Variants in SECISBP2L observed in about 807,000 individuals in gnomAD.
The protein encoded by SECISBP2L is selenocysteine insertion sequence-binding protein 2-like.
In SECISBP2L, 43 loss-of-function variants were observed where a neutral mutation model predicts 114.7. The ratio of observed to expected loss-of-function variants is 0.38; its 90% confidence interval spans 0.29 to 0.48. The LOEUF (loss-of-function observed/expected upper bound fraction) is 0.48, where lower values mean the gene tolerates loss of function less well. SECISBP2L is among the 20% of genes least tolerant of loss of function. The pLI is 0.98. For synonymous variants in SECISBP2L, 451 were observed against 439.7 expected (o/e 1.03, Z -0.32); for missense variants, 1,136 against 1,301.1 (o/e 0.87, Z 1.95).
chr15:49,040,531 T>C (rs1253617613), intron 1 of SECISBP2L, among the ~76,000 whole-genome samples: 1 of 119,672 alleles, frequency 8.4e-6, no homozygotes, highest in African/African-American at 3.0e-5. Context: ...ACTATTCTTT[T>C]TTTTTTTTTT....
intron 14 of SECISBP2L, among the ~76,000 whole-genome samples, chr15:49,007,526 T>A (rs1174232697): frequency 6.6e-6 from 1 of 152,236 alleles, no homozygotes; most frequent in Non-Finnish European, 1.5e-5. Context: ...GCAGTCTGGC[T>A]ACAGCAGCTT....
At chr15:49,011,647 G>A (rs2141068973) in intron 13 of SECISBP2L, 84 bp downstream of exon 13, 1 of 1,453,308 alleles carries the variant, frequency 6.9e-7, no homozygotes. Flanking sequence ...TTCCAATCAG[G>A]AGCATTAACT....
Position 49,046,399 on chromosome 15 carries a change from C to T in SECISBP2L, c.-100G>A. The stretch of plus-strand genomic sequence containing the variant: ...GCTCGGGTCCAGACTGGGTTCCGGA[C>T]CTCCGCCCCTATCTGGCTGGCCGCG... On this transcript the variant is annotated 5_prime_UTR_variant, in exon 1 of 18. Coordinates refer to ENST00000559471, the MANE Select transcript of SECISBP2L (RefSeq NM_001193489.2). The T allele has an allele frequency of 1.6e-6, 2 of 1,270,250 alleles. No homozygotes were observed. Among genetic ancestry groups the T allele is most frequent in the Non-Finnish European group, 2.1e-6 (2 of 969,408 alleles). 78.7% of individuals were successfully genotyped at this position (1,270,250 alleles called of 1,614,324 possible).
At position 48,992,569 on chromosome 15, in the gene SECISBP2L, T is replaced by G; in HGVS notation, c.2981A>C (p.Glu994Ala). The part of the protein sequence containing the change: ...VPGMLEEEED[E>A]DEEEEEDYTH... Reference sequence around the variant, plus strand: ...ATAATCTTCCTCCTCCTCCTCATCTTCATCTTCTTCTTCTTCAAGCATGCC... The same window carrying G: ...ATAATCTTCCTCCTCCTCCTCATCTGCATCTTCTTCTTCTTCAAGCATGCC... Residue 994 changes from glutamate (E) to alanine (A), a missense_variant, in exon 18 of 18, where the codon GAA becomes GCA. Coordinates refer to ENST00000559471, the MANE Select transcript of SECISBP2L (RefSeq NM_001193489.2). 5.6e-6 allele frequency: 9 copies of G among 1,614,072 alleles called. No homozygotes were observed. The highest frequency in any genetic ancestry group is 7.6e-6 in the Non-Finnish European group (9 of 1,180,028).
chr15:49,018,167 G>C (rs1902573556), intron 8 of SECISBP2L, among the ~76,000 whole-genome samples: 3 of 151,820 alleles, frequency 2.0e-5, no homozygotes, highest in African/African-American at 7.3e-5. Context: ...TGCCAGACCT[G>C]GATATATTGA....
chr15:49,028,667 A>AAAATAAGCT lies in SECISBP2L; in HGVS notation c.679_680insAGCTTATTT (p.Ile227delinsLysLeuIlePhe). On this transcript the variant is annotated protein_altering_variant, in exon 5 of 18. Transcript: ENST00000559471. Reference sequence around the variant, plus strand: ...GGTCTCTGAGAGAGACTTGTTAGCGATATCTGATGGGAAATCTACAAAGGC... The same window carrying AAAATAAGCT: ...GGTCTCTGAGAGAGACTTGTTAGCGAAAATAAGCTTATCTGATGGGAAATCTACAAAGGC... 6.2e-7 allele frequency: 1 copy of AAAATAAGCT among 1,613,878 alleles called. No individual in the cohort carries two copies.
chr15:49,006,193 T>C (rs1281564782), intron 14 of SECISBP2L, among the ~76,000 whole-genome samples: 1 of 152,192 alleles, frequency 6.6e-6, no homozygotes, highest in Non-Finnish European at 1.5e-5. Context: ...TTTTCCTTCA[T>C]TTCAACCTTG....
intron 14 of SECISBP2L, among the ~76,000 whole-genome samples, chr15:49,004,905 C>T (rs901154260): frequency 2.0e-5 from 3 of 152,162 alleles, no homozygotes; most frequent in African/African-American, 7.2e-5. Context: ...AATGTATATT[C>T]TGTGATTTGG....
At chr15:49,038,339 T>A (rs1903054507) in intron 1 of SECISBP2L, among the ~76,000 whole-genome samples, 1 of 151,914 alleles carries the variant, frequency 6.6e-6, no homozygotes, top group Non-Finnish European at 1.5e-5. Context: ...CCAGTACACA[T>A]GTGAGTAAAC....
intron 2 of SECISBP2L, among the ~76,000 whole-genome samples, chr15:49,036,711 T>TCAG (rs779240571): frequency 2.0e-5 from 3 of 152,226 alleles, no homozygotes; most frequent in Non-Finnish European, 4.4e-5. Context: ...ATTAACAGCC[T>TCAG]CAGAATATTA....
intron 1 of SECISBP2L, among the ~76,000 whole-genome samples, chr15:49,043,104 T>C (rs1456090280): frequency 6.6e-6 from 1 of 152,234 alleles, no homozygotes; most frequent in African/African-American, 2.4e-5. Context: ...TACTTTTTTA[T>C]TATGAACATA....
intron 11 of SECISBP2L, 93 bp downstream of exon 11, chr15:49,016,467 C>A: frequency 1.9e-6 from 2 of 1,070,878 alleles, no homozygotes; most frequent in East Asian, 2.6e-5. Flanking sequence ...TATATATACA[C>A]ATACATATAT....
chr15:49,032,884 G>T (rs3743293), intron 4 of SECISBP2L, 81 bp downstream of exon 4: 69 of 1,512,600 alleles, frequency 4.6e-5, no homozygotes, highest in Non-Finnish European at 6.1e-5. Flanking sequence ...ATTCTGACAA[G>T]TGGTTCAGAC....
At chr15:49,028,337 T>C (rs1902800136) in intron 5 of SECISBP2L, 116 bp downstream of exon 5, 1 of 1,058,616 alleles carries the variant, frequency 9.4e-7, no homozygotes. Context: ...CATTTGTAAC[T>C]ATCCTATTAC....
rs774414397 is a variant in SECISBP2L, at chr15:49,019,400, A to AGC, written c.1170+17_1170+18insGC. ...ACATTTCCTATAACAGCTTACAAAT[A>AGC]GAGTTTGAAAAAAATACCTCAAAAT... On this transcript the variant is annotated intron_variant, in intron 8 of 17. Coordinates refer to ENST00000559471, the MANE Select transcript of SECISBP2L (RefSeq NM_001193489.2). 1 of 1,411,820 alleles carries AGC rather than the reference A, an allele frequency of 7.1e-7. No homozygotes were observed. Among genetic ancestry groups the AGC allele is most frequent in the South Asian group, 1.6e-5 (1 of 62,360 alleles). 87.5% of individuals were successfully genotyped at this position (1,411,820 alleles called of 1,614,324 possible).
At chr15:49,033,153 T>C (rs534333565) in intron 3 of SECISBP2L, 53 bp from the exon 4 acceptor site, 1 of 1,549,560 alleles carries the variant, frequency 6.5e-7, no homozygotes, top group East Asian at 2.3e-5. Context: ...TTCAATGTAC[T>C]GAACATTATA....
chr15:49,013,582 A>C (rs1902482280), intron 11 of SECISBP2L, among the ~76,000 whole-genome samples: 1 of 152,236 alleles, frequency 6.6e-6, no homozygotes, highest in South Asian at 2.1e-4. Flanking sequence ...GGCGTGAGCC[A>C]CTACACCCGG....
At chr15:49,017,160 A>G (rs1902553665) in intron 9 of SECISBP2L, 145 bp from the exon 10 acceptor site, 2 of 764,734 alleles carry the variant, frequency 2.6e-6, no homozygotes, top group South Asian at 2.1e-5. Context: ...AGGATTTGAC[A>G]GTGGGACCAT....
rs1901917298 is a variant in SECISBP2L, at chr15:48,989,085, T to C, written c.*3159A>G. On this transcript the variant is annotated 3_prime_UTR_variant, in exon 18 of 18. Coordinates refer to ENST00000559471, the MANE Select transcript of SECISBP2L (RefSeq NM_001193489.2). ...ATAAAAATTTTTAAATGAGTTGATG[T>C]TCTAACCTGTTGGCCCAACATACAG... is the stretch of plus-strand genomic sequence containing the variant. The C allele has an allele frequency of 6.6e-6, 1 of 152,396 alleles. No homozygotes were observed. The highest frequency in any genetic ancestry group is 2.4e-5 in the African/African-American group (1 of 41,366). 9.4% of individuals were successfully genotyped at this position (152,396 alleles called of 1,614,324 possible). A position where few individuals can be genotyped will look rare whatever the true frequency, so the allele number is the denominator to read the frequency against.
Sources: gnomAD v4.1 joint callset for allele counts (sites outside exome capture counted in the v4.1 genomes callset) on GRCh38, gnomAD v4.1.1 for gene constraint, MANE v1.5 for transcripts, NCBI Gene and HGNC (gene_info 2026-07-23, HGNC 2026-07-21) for gene names.